The following NVL variants were observed in gnomAD, a reference collection of about 807,000 sequenced individuals.
NVL encodes nuclear valosin-containing protein-like.
NVL carries 84 observed loss-of-function variants against 110.2 expected under a neutral mutation model. The ratio of observed to expected loss-of-function variants is 0.76; its 90% CI spans 0.64 to 0.91. The LOEUF is 0.91. NVL is among the 40% of genes least tolerant of loss of function. NVL has a pLI of 0.00. For missense variants in NVL, 882 were observed against 1,035.9 expected, an observed-to-expected ratio of 0.85 and a Z score of 2.04; for synonymous variants, 354 against 361.1, an observed-to-expected ratio of 0.98 and a Z score of 0.22.
At chr1:224,274,035 AACACAC>A (rs1224878158) in intron 17 of NVL, among the ~76,000 whole-genome samples, 1 of 145,540 alleles carries the variant, frequency 6.9e-6, no homozygotes, top group African/African-American at 2.5e-5. Flanking sequence ...ATGACCTAAC[AACACAC>A]ACACACACAC....
At chr1:224,311,580 A>T (rs988527877) in intron 5 of NVL, among the ~76,000 whole-genome samples, 1 of 150,908 alleles carries the variant, frequency 6.6e-6, no homozygotes, top group Non-Finnish European at 1.5e-5. Context: ...TGTTGGCCAG[A>T]CTTATTTTTT....
At chr1:224,313,344 T>TA (rs1669746269) in intron 4 of NVL, among the ~76,000 whole-genome samples, 2 of 150,936 alleles carry the variant, frequency 1.3e-5, no homozygotes, top group Non-Finnish European at 3.0e-5. Flanking sequence ...ATTAAAGAGT[T>TA]AAACATAAAG....
At chr1:224,236,129 A>G (rs1464391896) in intron 20 of NVL, among the ~76,000 whole-genome samples, 1 of 152,178 alleles carries the variant, frequency 6.6e-6, no homozygotes, top group Non-Finnish European at 1.5e-5. Context: ...GAAATGTCAG[A>G]TTTCCTGATG....
chr1:224,278,868 G>A (rs1347474480), intron 16 of NVL, among the ~76,000 whole-genome samples: 1 of 152,064 alleles, frequency 6.6e-6, no homozygotes, highest in Admixed American at 6.6e-5. Context: ...AAGGAGATGG[G>A]ACTACAGGTG....
intron 19 of NVL, among the ~76,000 whole-genome samples, chr1:224,245,414 C>T (rs1661693381): frequency 6.6e-6 from 1 of 152,212 alleles, no homozygotes; most frequent in African/African-American, 2.4e-5. Context: ...AATTGCACTG[C>T]TAACAGCTCT....
chr1:224,278,662 T>A (rs1032249420), intron 16 of NVL, among the ~76,000 whole-genome samples: 1 of 152,144 alleles, frequency 6.6e-6, no homozygotes, highest in African/African-American at 2.4e-5. Context: ...AATGAAAATA[T>A]CAGACACCAA....
intron 19 of NVL, among the ~76,000 whole-genome samples, chr1:224,244,222 C>G (rs1178226158): frequency 6.6e-6 from 1 of 151,190 alleles, no homozygotes; most frequent in Non-Finnish European, 1.5e-5. Context: ...ACAAAATTAG[C>G]TGGGCATGGT....
intron 18 of NVL, 37 bp from the exon 19 acceptor site, chr1:224,250,355 C>G: frequency 6.7e-7 from 1 of 1,489,620 alleles, no homozygotes; most frequent in South Asian, 1.4e-5. Context: ...TTAAATAAAA[C>G]CTTTTATTTT....
chr1:224,292,075 G>T (rs1667431353), intron 12 of NVL, among the ~76,000 whole-genome samples: 2 of 152,118 alleles, frequency 1.3e-5, no homozygotes, highest in African/African-American at 4.8e-5. Context: ...GGTGTGGTCT[G>T]TTTTACACCA....
chr1:224,319,544 G>A (rs890946695), intron 2 of NVL, among the ~76,000 whole-genome samples: 4 of 152,162 alleles, frequency 2.6e-5, no homozygotes, highest in Admixed American at 6.6e-5. Flanking sequence ...CAAGGTTCAT[G>A]CATTTACTTG....
chr1:224,252,858 T>C (rs1662659294), intron 18 of NVL, among the ~76,000 whole-genome samples: 1 of 152,230 alleles, frequency 6.6e-6, no homozygotes, highest in African/African-American at 2.4e-5. Flanking sequence ...CTCCTGCCCT[T>C]ACCTGCTCTC....
At chr1:224,271,015 C>T (rs149051426) in intron 17 of NVL, among the ~76,000 whole-genome samples, 78 of 152,136 alleles carry the variant, frequency 5.1e-4, no homozygotes, top group African/African-American at 9.9e-4. Context: ...TCATATAGTC[C>T]CATCACAGGT....
At chr1:224,283,500 G>C (rs1666578985) in intron 15 of NVL, among the ~76,000 whole-genome samples, 1 of 151,894 alleles carries the variant, frequency 6.6e-6, no homozygotes, top group Admixed American at 6.6e-5. Flanking sequence ...AAGAAAGAAA[G>C]AAAGAAAGAA....
At chr1:224,323,642 T>C (rs1670867868) in intron 2 of NVL, among the ~76,000 whole-genome samples, 1 of 152,142 alleles carries the variant, frequency 6.6e-6, no homozygotes, top group Non-Finnish European at 1.5e-5. Context: ...GAACACAAGT[T>C]ATCCTTCAAG....
chr1:224,238,811 G>A (rs147026673), intron 19 of NVL, among the ~76,000 whole-genome samples: 302 of 152,256 alleles, frequency 2.0e-3, no homozygotes, highest in African/African-American at 6.8e-3. Flanking sequence ...GTGTGGGAAT[G>A]TTCTATTTTA....
chr1:224,320,737 A>G (rs535745685), intron 2 of NVL, among the ~76,000 whole-genome samples: 14 of 152,122 alleles, frequency 9.2e-5, no homozygotes. Flanking sequence ...CACAACCTCA[A>G]CCTCCTGGTC....
At chr1:224,278,386 C>T (rs968871685) in intron 16 of NVL, among the ~76,000 whole-genome samples, 1 of 151,980 alleles carries the variant, frequency 6.6e-6, no homozygotes, top group Non-Finnish European at 1.5e-5. Context: ...ACACCCACCA[C>T]CATGCCTGGC....
intron 16 of NVL, among the ~76,000 whole-genome samples, chr1:224,277,408 A>G (rs1423372625): frequency 6.6e-6 from 1 of 152,228 alleles, no homozygotes; most frequent in African/African-American, 2.4e-5. Flanking sequence ...AAGAAGGCAT[A>G]TCAGGGGGCT....
chr1:224,238,040 T>G lies in NVL; in HGVS notation c.2290-1458A>C, dbSNP rs530506994. On this transcript the variant is annotated intron_variant, in intron 19 of 22. Transcript: ENST00000281701. ...CAAGCCATTAAGCTTTTCTCTTTTC[T>G]TTTTTTTTCTTTGAGACAGGGTCTG... 2.0e-5 allele frequency among the ~76,000 whole-genome samples: 3 copies of G among 150,614 alleles called. No individual in the cohort carries two copies. The East Asian group carries it at 5.8e-4, about 29-fold the overall frequency.
Sources: gnomAD v4.1 joint callset for allele counts (sites outside exome capture counted in the v4.1 genomes callset) on GRCh38, gnomAD v4.1.1 for gene constraint, MANE v1.5 for transcripts, NCBI Gene and HGNC (gene_info 2026-07-23, HGNC 2026-07-21) for gene names.